RBFOX2: variants seen among roughly 807,000 people sequenced by gnomAD.
RBFOX2 encodes the protein RNA binding fox-1 homolog 2, also known as RNA binding protein fox-1 homolog 2.
RBFOX2 carries 10 observed loss-of-function variants against 49.1 expected under a neutral mutation model. The ratio of observed to expected loss-of-function variants is 0.20; its 90% CI spans 0.13 to 0.35. The LOEUF (loss-of-function observed/expected upper bound fraction) is 0.35. Among genes scored for constraint, RBFOX2 ranks in the 10% least tolerant of loss-of-function variants. RBFOX2 has a pLI of 1.00. For missense variants in RBFOX2, 323 were observed against 486.9 expected (o/e 0.66, Z 3.17); for synonymous variants, 183 against 187.4 (o/e 0.98, Z 0.19).
chr22:35,854,680 T>C (rs577431977), intron 1 of RBFOX2, among the ~76,000 whole-genome samples: 54 of 152,286 alleles, frequency 3.5e-4, no homozygotes, highest in African/African-American at 1.2e-3. Flanking sequence ...TAGGTTCTGC[T>C]GAAACCATGC....
At chr22:35,850,189 C>CA (rs1357580310) in intron 1 of RBFOX2, among the ~76,000 whole-genome samples, 18 of 126,004 alleles carry the variant, frequency 1.4e-4, no homozygotes, top group Non-Finnish European at 2.0e-4. Context: ...CTGTCTCTCT[C>CA]TCATACACAC....
chr22:35,938,429 C>G (rs1187614829), intron 1 of RBFOX2, among the ~76,000 whole-genome samples: 1 of 152,086 alleles, frequency 6.6e-6, no homozygotes, highest in African/African-American at 2.4e-5. Flanking sequence ...GGCTGAATTC[C>G]CCCAGGGAGG....
chr22:36,022,547 T>C (rs1413619693), intron 1 of RBFOX2, among the ~76,000 whole-genome samples: 3 of 152,204 alleles, frequency 2.0e-5, no homozygotes, highest in Non-Finnish European at 4.4e-5. Context: ...TTGTAAGACA[T>C]GGGGAAAAAA....
intron 4 of RBFOX2, among the ~76,000 whole-genome samples, chr22:35,774,245 G>A (rs983505460): frequency 6.6e-6 from 1 of 151,968 alleles, no homozygotes; most frequent in Non-Finnish European, 1.5e-5. Context: ...AGGCTAGCCT[G>A]GATAAGCCAG....
At chr22:35,912,067 T>C (rs1382452776) in intron 1 of RBFOX2, among the ~76,000 whole-genome samples, 2 of 152,228 alleles carry the variant, frequency 1.3e-5, no homozygotes, top group Non-Finnish European at 2.9e-5. Flanking sequence ...TGACACATCT[T>C]ATCTCAGCAT....
intron 1 of RBFOX2, among the ~76,000 whole-genome samples, chr22:35,981,824 G>A (rs2057470650): frequency 6.6e-6 from 1 of 151,942 alleles, no homozygotes; most frequent in Admixed American, 6.6e-5. Flanking sequence ...TTATGTTTGA[G>A]GCCCCAAAAG....
chr22:35,924,425 A>G (rs2051384114), intron 1 of RBFOX2, among the ~76,000 whole-genome samples: 1 of 152,234 alleles, frequency 6.6e-6, no homozygotes, highest in African/African-American at 2.4e-5. Context: ...TTCAATAAGT[A>G]TATTTATTGA....
chr22:35,912,431 CT>C (rs2049936415), intron 1 of RBFOX2, among the ~76,000 whole-genome samples: 2 of 152,302 alleles, frequency 1.3e-5, no homozygotes, highest in South Asian at 4.1e-4. Flanking sequence ...ATTCTTCCAC[CT>C]TTTCCATCTA....
upstream of RBFOX2, among the ~76,000 whole-genome samples, chr22:35,940,822 A>G (rs2053616358): frequency 1.3e-5 from 2 of 152,180 alleles, no homozygotes; most frequent in Admixed American, 1.3e-4. Context: ...AAACAGACAC[A>G]AAAGGCCACA....
At chr22:35,785,258 A>G (rs1326103524) in intron 2 of RBFOX2, among the ~76,000 whole-genome samples, 5 of 152,206 alleles carry the variant, frequency 3.3e-5, no homozygotes. Context: ...AGTTATGTTG[A>G]GAAAATTTTT....
intron 1 of RBFOX2, among the ~76,000 whole-genome samples, chr22:35,949,305 CCTCCACCTTTTAA>C (rs1485930124): frequency 1.3e-5 from 2 of 152,270 alleles, no homozygotes; most frequent in East Asian, 3.9e-4. Context: ...ACTTGGGTTG[CCTCCACCTTTTAA>C]CTATTGTGAA....
At chr22:35,770,827 T>A (rs148755170) in intron 4 of RBFOX2, among the ~76,000 whole-genome samples, 1 of 152,284 alleles carries the variant, frequency 6.6e-6, no homozygotes, top group Non-Finnish European at 1.5e-5. Flanking sequence ...TTCTCAATAA[T>A]GACTAACATT....
chr22:35,898,010 G>A (rs570757356), intron 1 of RBFOX2: 19 of 728,702 alleles, frequency 2.6e-5, no homozygotes, highest in East Asian at 1.5e-4. Context: ...TCCCAGTCTC[G>A]TCCAACAAGA....
chr22:35,877,422 A>C (rs904606364), intron 1 of RBFOX2, among the ~76,000 whole-genome samples: 5 of 152,170 alleles, frequency 3.3e-5, no homozygotes, highest in African/African-American at 1.2e-4. Flanking sequence ...TGATATTTTT[A>C]AAGGAGAAAG....
In RBFOX2 at chr22:35,848,651, T is replaced by C. The variant is rs564584027; in HGVS notation, c.-33-38647A>G. ...ATGCATTCCGGTCCAACCTGCAACATAGGTGCTAATTATTAGAGAAATGGC... is the reference window on the plus strand; with the variant it reads ...ATGCATTCCGGTCCAACCTGCAACACAGGTGCTAATTATTAGAGAAATGGC... On this transcript the variant is annotated intron_variant, in intron 1 of 13. Coordinates refer to the RBFOX2 transcript ENST00000359369. 3.7e-4 allele frequency among the ~76,000 whole-genome samples: 57 copies of C among 152,294 alleles called. No homozygotes were observed. The South Asian group carries it at 9.8e-3, about 26-fold the overall frequency.
At chr22:35,787,805 T>C (rs1946727511) in intron 2 of RBFOX2, among the ~76,000 whole-genome samples, 1 of 152,200 alleles carries the variant, frequency 6.6e-6, no homozygotes, top group African/African-American at 2.4e-5. Context: ...AGGTTGTGGT[T>C]TTCCCTTTTG....
chr22:35,849,526 T>C (rs1336913139), intron 1 of RBFOX2, among the ~76,000 whole-genome samples: 1 of 152,144 alleles, frequency 6.6e-6, no homozygotes, highest in African/African-American at 2.4e-5. Flanking sequence ...ACCATAAAGC[T>C]TCACATAAAT....
intron 2 of RBFOX2, among the ~76,000 whole-genome samples, chr22:35,788,425 T>C (rs1301923615): frequency 6.6e-6 from 1 of 152,224 alleles, no homozygotes; most frequent in Non-Finnish European, 1.5e-5. Context: ...TCTTCATTTC[T>C]TATTTTCATC....
At chr22:36,002,770 T>A (rs1399824607) in intron 1 of RBFOX2, among the ~76,000 whole-genome samples, 1 of 152,238 alleles carries the variant, frequency 6.6e-6, no homozygotes, top group African/African-American at 2.4e-5. Context: ...ACTACAGGCA[T>A]GTGCCACTAC....
Sources: gnomAD v4.1 joint callset for allele counts (sites outside exome capture counted in the v4.1 genomes callset) on GRCh38, gnomAD v4.1.1 for gene constraint, MANE v1.5 for transcripts, NCBI Gene and HGNC (gene_info 2026-07-23, HGNC 2026-07-21) for gene names.